The following ACOX3 variants were observed in gnomAD, a reference collection of about 807,000 sequenced individuals.
ACOX3 encodes peroxisomal acyl-coenzyme A oxidase 3.
A neutral mutation model predicts 81.5 loss-of-function variants in ACOX3; 73 were observed. The ratio of observed to expected loss-of-function variants is 0.90; its 90% CI spans 0.74 to 1.09. The LOEUF is 1.09. Among genes scored for constraint, ACOX3 ranks in the 50% least tolerant of loss-of-function variants. ACOX3 has a pLI of 0.00. For synonymous variants in ACOX3, 387 were observed against 375.1 expected (o/e 1.03, Z -0.37); for missense variants, 947 against 928.0 (o/e 1.02, Z -0.27).
the ACOX3 span, among the ~76,000 whole-genome samples, chr4:8,359,372 A>G: frequency 6.6e-6 from 1 of 151,974 alleles, no homozygotes; most frequent in Non-Finnish European, 1.5e-5. This position sits in a 1 kb window ranked among gnomAD's most constrained non-coding sequence, Gnocchi z 6.0. Flanking sequence ...CCTCTTAAGG[A>G]AAGGTAAGGA....
intron 1 of ACOX3, among the ~76,000 whole-genome samples, chr4:8,421,567 C>T (rs1299808672): frequency 6.6e-6 from 1 of 152,190 alleles, no homozygotes; most frequent in African/African-American, 2.4e-5. Flanking sequence ...AAGTGTAGCC[C>T]CAAAATTCTC....
chr4:8,410,030 G>A (rs531043247), intron 6 of ACOX3, among the ~76,000 whole-genome samples, 182 bp downstream of exon 6: 2 of 151,970 alleles, frequency 1.3e-5, no homozygotes, highest in East Asian at 1.9e-4. Context: ...CACTGTGGGC[G>A]GGGCTGTTTG....
chr4:8,399,578 C>G lies in ACOX3; in HGVS notation c.851G>C (p.Gly284Ala). The G allele has an allele frequency of 6.2e-7, 1 of 1,614,072 alleles. No individual in the cohort carries two copies. Among genetic ancestry groups the G allele is most frequent in the Non-Finnish European group, 8.5e-7 (1 of 1,179,950 alleles). Residue 284 changes from glycine to alanine, a missense_variant, in exon 8 of 18, where the codon GGC becomes GCC. Coordinates refer to ENST00000356406, the MANE Select transcript of ACOX3 (RefSeq NM_003501.3). This position sits in a 1 kb window ranked among gnomAD's most constrained non-coding sequence, Gnocchi z 4.9. ...TACCTTAAAGGGGCTGACATAGGTG[C>G]CCTCGGGGGTGACGTCTCCCATCCG... ...LNRMGDVTPE[G>A]TYVSPFKDVR... is the part of the protein sequence containing the mutation.
At chr4:8,408,938 C>G (rs1721373626) in intron 6 of ACOX3, among the ~76,000 whole-genome samples, 1 of 131,442 alleles carries the variant, frequency 7.6e-6, no homozygotes, top group South Asian at 2.6e-4. Context: ...AGGCTCACCC[C>G]AGGTGAACAG....
At chr4:8,361,524 T>C (rs950684173), downstream of ACOX3, among the ~76,000 whole-genome samples, 6 of 149,582 alleles carry the variant, frequency 4.0e-5, no homozygotes, top group African/African-American at 1.5e-4. Context: ...TATAAGTTAA[T>C]CTTGTAAAAA....
chr4:8,360,202 A>G, the ACOX3 span, among the ~76,000 whole-genome samples: 976 of 152,286 alleles, frequency 6.4e-3, 13 homozygotes, highest in African/African-American at 0.022. Flanking sequence ...TTTATCTTCT[A>G]TGTATTTATA....
rs1325623408 is a variant in ACOX3, at chr4:8,406,589, AG to A, written c.688-547del. ...GCTGCACTGATACTTATTGGATACAAGACAAAGGCAGGATAAGGAGAGTGAG... is the reference window on the plus strand; with the variant it reads ...GCTGCACTGATACTTATTGGATACAAACAAAGGCAGGATAAGGAGAGTGAG... On this transcript the variant is annotated intron_variant, in intron 6 of 17. Coordinates refer to ENST00000356406, the MANE Select transcript of ACOX3 (RefSeq NM_003501.3). This position sits in a 1 kb window ranked among gnomAD's most constrained non-coding sequence, Gnocchi z 5.6. Among the ~76,000 whole-genome samples the A allele has an allele frequency of 1.3e-5, 2 of 152,174 alleles. No individual in the cohort carries two copies. Among genetic ancestry groups the A allele is most frequent in the Non-Finnish European group, 2.9e-5 (2 of 68,028 alleles).
Position 8,405,660 on chromosome 4 carries a change from C to G in ACOX3, c.776+295G>C, listed in dbSNP as rs987428260. On this transcript the variant is annotated intron_variant, in intron 7 of 17. Coordinates refer to ENST00000356406, the MANE Select transcript of ACOX3 (RefSeq NM_003501.3). The surrounding 1 kb of genome is among the most constrained non-coding windows in gnomAD (Gnocchi z 7.1). ...ACCTCACACAGAGGAGGCAGCCCCC[C>G]AGGCAGGGGCCCCACCAGTTGTACA... 2.6e-5 allele frequency among the ~76,000 whole-genome samples: 4 copies of G among 152,230 alleles called. No homozygotes were observed. The highest frequency in any genetic ancestry group is 2.1e-4 in the South Asian group (1 of 4,832).
rs1457416317 is a variant in ACOX3, at chr4:8,394,232, TCTGA to T, written c.1179+384_1179+387del. On this transcript the variant is annotated intron_variant, in intron 10 of 17. Coordinates refer to ENST00000356406, the MANE Select transcript of ACOX3 (RefSeq NM_003501.3). This position sits in a 1 kb window ranked among gnomAD's most constrained non-coding sequence, Gnocchi z 5.9. ...GCACGCTCGTTTCTGGCACAAATCC[TCTGA>T]CTGTCAACTCAAATCCAGTCAGTGG... Among the ~76,000 whole-genome samples, 1 of 152,210 alleles carries T rather than the reference TCTGA, an allele frequency of 6.6e-6. No homozygotes were observed. The highest frequency in any genetic ancestry group is 1.9e-4 in the East Asian group (1 of 5,200).
chr4:8,370,847 G>T lies in ACOX3; in HGVS notation c.1983+61C>A. ...ACCCCTGACCCACAGGAGCATCTCA[G>T]CTCCGCAGAAATGCCCATCAACCCT... On this transcript the variant is annotated intron_variant, in intron 17 of 17. Coordinates refer to ENST00000356406, the MANE Select transcript of ACOX3 (RefSeq NM_003501.3). This position sits in a 1 kb window ranked among gnomAD's most constrained non-coding sequence, Gnocchi z 6.3. The T allele has an allele frequency of 6.7e-7, 1 of 1,497,882 alleles. No individual in the cohort carries two copies. The allele number at this position is 1,497,882 out of a possible 1,614,324, so 92.8% of individuals were successfully genotyped here.
chr4:8,375,417 G>C (rs190984514), intron 14 of ACOX3, among the ~76,000 whole-genome samples: 1 of 152,336 alleles, frequency 6.6e-6, no homozygotes, highest in East Asian at 1.9e-4. Flanking sequence ...CTCAGCTCCC[G>C]TCTGGGACTG....
Position 8,431,811 on chromosome 4 carries a change from T to C in ACOX3, c.-15+8837A>G, listed in dbSNP as rs1301365171. Among the ~76,000 whole-genome samples, 1 of 152,232 alleles carries C rather than the reference T, an allele frequency of 6.6e-6. No individual in the cohort carries two copies. Among genetic ancestry groups the C allele is most frequent in the Non-Finnish European group, 1.5e-5 (1 of 68,044 alleles). On this transcript the variant is annotated intron_variant, in intron 1 of 17. Transcript: ENST00000356406. The surrounding 1 kb of genome is among the most constrained non-coding windows in gnomAD (Gnocchi z 5.3). ...ACTTCTGCTCCCTTCGGCACACCGATTCCCTGCTCAGTTTTAGACCTTGGT... is the reference window on the plus strand; with the variant it reads ...ACTTCTGCTCCCTTCGGCACACCGACTCCCTGCTCAGTTTTAGACCTTGGT...
rs1724010101 is a variant in ACOX3 at position 8,432,426 on chromosome 4, G to A, written c.-15+8222C>T. On this transcript the variant is annotated intron_variant, in intron 1 of 17. Coordinates refer to ENST00000356406, the MANE Select transcript of ACOX3 (RefSeq NM_003501.3). The surrounding 1 kb of genome is among the most constrained non-coding windows in gnomAD (Gnocchi z 6.2). Reference sequence around the variant, plus strand: ...TTTTTTGTATTTTTAGTAGAGACAGGTTTTCACTGTGTTAGCCAGGATAGT... The same window carrying A: ...TTTTTTGTATTTTTAGTAGAGACAGATTTTCACTGTGTTAGCCAGGATAGT... Among the ~76,000 whole-genome samples the A allele has an allele frequency of 6.6e-6, 1 of 152,034 alleles. No homozygotes were observed. Among genetic ancestry groups the A allele is most frequent in the African/African-American group, 2.4e-5 (1 of 41,380 alleles).
the ACOX3 span, among the ~76,000 whole-genome samples, chr4:8,358,554 T>A: frequency 6.6e-6 from 1 of 152,098 alleles, no homozygotes; most frequent in Non-Finnish European, 1.5e-5. Context: ...GATGGTTAGG[T>A]AGTCTAAGTC....
rs1715537196 is a variant in ACOX3, at chr4:8,367,042, G to A, written c.2022C>T (p.Ser674=). 2 of 1,613,952 alleles carry A rather than the reference G, an allele frequency of 1.2e-6. No homozygotes were observed. The highest frequency in any genetic ancestry group is 2.7e-5 in the African/African-American group (2 of 74,894). Residue 674 remains serine (S), a synonymous_variant, in exon 18 of 18, where the codon AGC becomes AGT. Coordinates refer to ENST00000356406, the MANE Select transcript of ACOX3 (RefSeq NM_003501.3). ...ACCAGGATGCCCGCTCCAACACCTTGCTTTCCTGCAGGACAGCGCCCCAGA... is the reference window on the plus strand; with the variant it reads ...ACCAGGATGCCCGCTCCAACACCTTACTTTCCTGCAGGACAGCGCCCCAGA... ...KNLWGAVLQE[S]KVLERASWWP...
chr4:8,425,017 G>C (rs1337177080), intron 1 of ACOX3, among the ~76,000 whole-genome samples: 1 of 152,182 alleles, frequency 6.6e-6, no homozygotes. Flanking sequence ...TATATACACA[G>C]ACTCTAAGAA....
rs370772609 is a variant in ACOX3, at chr4:8,393,470, C to T, written c.1180-1017G>A. ...CACCACTGCACTCCAGCCTGGGCAA[C>T]AGAGCGAGACTCCGTCTCAAAAACA... On this transcript the variant is annotated intron_variant, in intron 10 of 17. Transcript: ENST00000356406. Among the ~76,000 whole-genome samples, 16 of 140,022 alleles carry T rather than the reference C, an allele frequency of 1.1e-4. 2 individuals carry two copies. The East Asian group carries it at 3.0e-3, about 27-fold the overall frequency. 91.9% of individuals were successfully genotyped at this position (140,022 alleles called of 152,430 possible).
chr4:8,416,111 G>A lies in ACOX3; in HGVS notation c.145-112C>T, dbSNP rs1578972447. ...GGCTTCATGGGACACAGTCTGACCC[G>A]GAGACACCCAGACAGAGATATGACT... is the stretch of plus-strand genomic sequence containing the variant. On this transcript the variant is annotated intron_variant, in intron 2 of 17. Transcript: ENST00000356406. This position sits in a 1 kb window ranked among gnomAD's most constrained non-coding sequence, Gnocchi z 4.2. 8.8e-6 allele frequency: 10 copies of A among 1,132,694 alleles called. No homozygotes were observed. The Admixed American group carries it at 1.0e-4, about 12-fold the overall frequency. The allele number at this position is 1,132,694 out of a possible 1,614,324, so 70.2% of individuals were successfully genotyped here. A position where few individuals can be genotyped will look rare whatever the true frequency, so the allele number is the denominator to read the frequency against.
In ACOX3 at chr4:8,370,766, C is replaced by A; in HGVS notation, c.1983+142G>T. On this transcript the variant is annotated intron_variant, in intron 17 of 17. Coordinates refer to ENST00000356406, the MANE Select transcript of ACOX3 (RefSeq NM_003501.3). The surrounding 1 kb of genome is among the most constrained non-coding windows in gnomAD (Gnocchi z 6.3). ...CCAGAGTGAGACAGTCCTGACTTGT[C>A]CCGGGCCCTCCCCAAGAAGCTCCTC... 1 of 694,988 alleles carries A rather than the reference C, an allele frequency of 1.4e-6. No homozygotes were observed. The highest frequency in any genetic ancestry group is 2.4e-6 in the Non-Finnish European group (1 of 409,596). 43.1% of individuals were successfully genotyped at this position (694,988 alleles called of 1,614,324 possible).
Sources: gnomAD v4.1 joint callset for allele counts (sites outside exome capture counted in the v4.1 genomes callset) on GRCh38, gnomAD v4.1.1 for gene constraint, Gnocchi (gnomAD v3.1) non-coding constraint, MANE v1.5 for transcripts, NCBI Gene and HGNC (gene_info 2026-07-23, HGNC 2026-07-21) for gene names.